Variants in DLC1 observed in about 807,000 individuals in gnomAD.
The protein encoded by DLC1 is rho GTPase-activating protein 7.
A neutral mutation model predicts 140.3 loss-of-function variants in DLC1; 54 were observed. The observed-to-expected ratio is 0.38, with a 90% confidence interval of 0.31 to 0.48. The LOEUF is 0.48. Among genes scored for constraint, DLC1 ranks in the 20% least tolerant of loss-of-function variants. The probability of loss-of-function intolerance (pLI) is 0.96; values close to 1 mark genes in which losing one functional copy is unlikely to be tolerated. For synonymous variants in DLC1, 986 were observed against 728.1 expected (o/e 1.35, Z -5.70); for missense variants, 2,536 against 1,907.0 (o/e 1.33, Z -6.14).
intron 1 of DLC1, among the ~76,000 whole-genome samples, chr8:13,576,483 G>T (rs761774388): frequency 6.6e-6 from 1 of 152,158 alleles, no homozygotes; most frequent in African/African-American, 2.4e-5. Context: ...TATAAAAAAT[G>T]TAAACATAGA....
intron 1 of DLC1, among the ~76,000 whole-genome samples, chr8:13,503,168 G>C (rs550820962): frequency 1.1e-4 from 17 of 152,292 alleles, no homozygotes; most frequent in African/African-American, 3.9e-4. Context: ...ACTTTGGGAG[G>C]CTGAGGTGTG....
chr8:13,110,399 T>G (rs979998613), intron 7 of DLC1, among the ~76,000 whole-genome samples: 1 of 152,176 alleles, frequency 6.6e-6, no homozygotes, highest in Admixed American at 6.5e-5. Context: ...CCACCCCCCA[T>G]TTATTCCTCT....
chr8:13,146,354 TC>T (rs1823438780), intron 5 of DLC1, among the ~76,000 whole-genome samples: 1 of 151,994 alleles, frequency 6.6e-6, no homozygotes, highest in Non-Finnish European at 1.5e-5. Flanking sequence ...TTAAAAGGAC[TC>T]TTTTTTTTTA....
At chr8:13,222,658 C>G (rs1339841290) in intron 5 of DLC1, among the ~76,000 whole-genome samples, 2 of 152,144 alleles carry the variant, frequency 1.3e-5, no homozygotes, top group Non-Finnish European at 2.9e-5. Flanking sequence ...ATGTGATACT[C>G]CATCCTCTTG....
intron 4 of DLC1, among the ~76,000 whole-genome samples, chr8:13,377,714 T>C (rs1836065186): frequency 6.6e-6 from 1 of 152,082 alleles, no homozygotes; most frequent in Non-Finnish European, 1.5e-5. Flanking sequence ...CTTCTGTGGA[T>C]TTAACCTCTG....
At chr8:13,496,150 G>A (rs1415257156) in intron 2 of DLC1, among the ~76,000 whole-genome samples, 1 of 152,018 alleles carries the variant, frequency 6.6e-6, no homozygotes, top group Non-Finnish European at 1.5e-5. Context: ...ATGAAAATGT[G>A]GCACATGTGT....
At chr8:13,573,001 C>G (rs550392893) in intron 1 of DLC1, among the ~76,000 whole-genome samples, 6 of 152,180 alleles carry the variant, frequency 3.9e-5, no homozygotes, top group Middle Eastern at 6.8e-3. Context: ...TTTTCTATTT[C>G]TGTAAAAAAT....
At chr8:13,503,089 A>G (rs1302015350) in intron 1 of DLC1, among the ~76,000 whole-genome samples, 1 of 152,214 alleles carries the variant, frequency 6.6e-6, no homozygotes, top group Non-Finnish European at 1.5e-5. Flanking sequence ...AGAGTTTTAT[A>G]GCATACAATA....
chr8:13,600,835 A>G (rs1224529352), intron 1 of DLC1, among the ~76,000 whole-genome samples: 3 of 151,876 alleles, frequency 2.0e-5, no homozygotes, highest in Admixed American at 6.6e-5. Flanking sequence ...AAAACTGATC[A>G]GGGCATTTAT....
chr8:13,178,433 G>A, intron 5 of DLC1, among the ~76,000 whole-genome samples: 1 of 151,954 alleles, frequency 6.6e-6, no homozygotes, highest in East Asian at 1.9e-4. Context: ...GTGGTGGCGG[G>A]CGCCTGTAGT....
chr8:13,306,317 T>C (rs1408459917), intron 4 of DLC1, among the ~76,000 whole-genome samples: 1 of 152,206 alleles, frequency 6.6e-6, no homozygotes, highest in East Asian at 1.9e-4. Flanking sequence ...CTACTGTTTG[T>C]GGATACCACT....
chr8:13,298,275 A>G (rs1832043222), intron 5 of DLC1, among the ~76,000 whole-genome samples: 1 of 152,218 alleles, frequency 6.6e-6, no homozygotes, highest in Admixed American at 6.5e-5. Flanking sequence ...GCTCTAAGTC[A>G]TCTTCTTCAA....
intron 1 of DLC1, among the ~76,000 whole-genome samples, chr8:13,552,663 A>G (rs977609446): frequency 2.0e-5 from 3 of 151,688 alleles, no homozygotes; most frequent in African/African-American, 7.2e-5. Context: ...AATATTAACA[A>G]TGGAATAAGA....
At chr8:13,151,809 A>G (rs1193267783) in intron 5 of DLC1, among the ~76,000 whole-genome samples, 1 of 152,222 alleles carries the variant, frequency 6.6e-6, no homozygotes, top group South Asian at 2.1e-4. Flanking sequence ...TTTTTATTCC[A>G]TACTATATTA....
intron 2 of DLC1, among the ~76,000 whole-genome samples, chr8:13,427,449 C>G (rs73205801): frequency 0.025 from 3,853 of 152,310 alleles, 72 homozygotes; most frequent in Middle Eastern, 0.041. Flanking sequence ...CACACCAATT[C>G]TTTCCCATTG....
At chr8:13,294,651 T>C (rs1313868409) in intron 5 of DLC1, among the ~76,000 whole-genome samples, 1 of 151,882 alleles carries the variant, frequency 6.6e-6, no homozygotes, top group Non-Finnish European at 1.5e-5. Context: ...TAGAAGAGGA[T>C]GGAAAATTAG....
intron 5 of DLC1, among the ~76,000 whole-genome samples, chr8:13,227,612 A>T (rs1344952391): frequency 1.3e-5 from 2 of 152,192 alleles, no homozygotes; most frequent in East Asian, 3.9e-4. Context: ...TGAAACATAC[A>T]TACACTCGAC....
chr8:13,593,655 C>T (rs984912210), intron 1 of DLC1, among the ~76,000 whole-genome samples: 4 of 151,972 alleles, frequency 2.6e-5, no homozygotes, highest in African/African-American at 4.8e-5. Context: ...AATGGAACCC[C>T]GCCCGATTCA....
At chr8:13,166,788 T>C (rs11783822) in intron 5 of DLC1, among the ~76,000 whole-genome samples, 2,865 of 152,280 alleles carry the variant, frequency 0.019, 41 homozygotes, top group Non-Finnish European at 0.031. Context: ...ATAATCCCAG[T>C]TCATACTAAG....
Sources: allele counts gnomAD v4.1 joint callset (sites outside exome capture counted in the v4.1 genomes callset), GRCh38; gene constraint gnomAD v4.1.1; transcripts MANE v1.5; gene names NCBI Gene and HGNC (gene_info 2026-07-23, HGNC 2026-07-21).